HPSE2: variants seen among roughly 807,000 people sequenced by gnomAD.
HPSE2 encodes the protein heparanase 2 (inactive), also known as inactive heparanase-2.
HPSE2 carries 38 observed loss-of-function variants against 60.5 expected under a neutral mutation model. That is an observed-to-expected ratio of 0.63 (90% CI 0.48 to 0.82). The LOEUF is 0.82. Ranked by LOEUF, HPSE2 falls within the 40% of genes least tolerant of loss-of-function variation. The probability of loss-of-function intolerance (pLI) is 0.00; values close to 1 mark genes in which losing one functional copy is unlikely to be tolerated. For synonymous variants in HPSE2, 295 were observed against 293.2 expected (o/e 1.01, Z -0.06); for missense variants, 713 against 740.4 (o/e 0.96, Z 0.43).
chr10:99,248,864 A>G, the HPSE2 span, among the ~76,000 whole-genome samples: 4 of 152,194 alleles, frequency 2.6e-5, no homozygotes, highest in Non-Finnish European at 5.9e-5. Context: ...AGAGCCCCAG[A>G]TAGGTCTCAG....
chr10:99,116,682 A>G (rs1471658719), intron 3 of HPSE2, among the ~76,000 whole-genome samples: 4 of 152,184 alleles, frequency 2.6e-5, no homozygotes. Context: ...TGCAGATGAA[A>G]AAGTGCCCTG....
intron 2 of HPSE2, among the ~76,000 whole-genome samples, chr10:99,186,542 CAAAAAAAAAAAA>C (rs60186369): frequency 1.0e-4 from 6 of 59,482 alleles, no homozygotes; most frequent in African/African-American, 4.9e-4. Context: ...GACTCCATCT[CAAAAAAAAAAAA>C]AAAAAAAAAA....
intron 3 of HPSE2, among the ~76,000 whole-genome samples, chr10:99,112,861 T>G (rs1037328082): frequency 9.2e-5 from 14 of 152,160 alleles, no homozygotes; most frequent in African/African-American, 3.4e-4. Context: ...CCAGATCTGC[T>G]CTGGGAAAGT....
chr10:99,285,500 GAAAGGAA>G, the HPSE2 span, among the ~76,000 whole-genome samples: 6 of 105,538 alleles, frequency 5.7e-5, no homozygotes, highest in Non-Finnish European at 8.9e-5. Context: ...GGGAGGGAGG[GAAAGGAA>G]AGGGAAGGAG....
rs557991620 is a variant in HPSE2 at position 98,715,735 on chromosome 10, C to T, written c.956+5922G>A. ...TACCTTAATTCAAAATACTTTATTG[C>T]TAAAAATGATAACGATCATCTGAGC... On this transcript the variant is annotated intron_variant, in intron 5 of 11. Transcript: ENST00000370552. 4.6e-5 allele frequency among the ~76,000 whole-genome samples: 7 copies of T among 152,126 alleles called. No individual in the cohort carries two copies. The East Asian group carries it at 9.6e-4, about 21-fold the overall frequency.
intron 4 of HPSE2, among the ~76,000 whole-genome samples, chr10:98,740,472 C>T (rs970328422): frequency 2.0e-5 from 3 of 152,014 alleles, no homozygotes; most frequent in African/African-American, 4.8e-5. Flanking sequence ...CATGCCTGGC[C>T]GAAGAAAGTC....
At chr10:98,937,619 G>T (rs1387252795) in intron 3 of HPSE2, among the ~76,000 whole-genome samples, 4 of 143,572 alleles carry the variant, frequency 2.8e-5, no homozygotes, top group East Asian at 4.0e-4. Flanking sequence ...ACAGCTCAAG[G>T]AGGCCTGCCT....
intron 3 of HPSE2, among the ~76,000 whole-genome samples, chr10:99,065,835 G>A (rs565723300): frequency 6.6e-6 from 1 of 152,272 alleles, no homozygotes; most frequent in East Asian, 1.9e-4. Context: ...ACCCTGATAA[G>A]CAATGATGTT....
intron 4 of HPSE2, among the ~76,000 whole-genome samples, chr10:98,740,293 A>C (rs1307025371): frequency 6.6e-6 from 1 of 151,598 alleles, no homozygotes; most frequent in East Asian, 1.9e-4. Flanking sequence ...CTCCAGCCTC[A>C]GTCTCCCAAG....
At chr10:99,127,433 G>A (rs893254510) in intron 3 of HPSE2, among the ~76,000 whole-genome samples, 18 of 151,962 alleles carry the variant, frequency 1.2e-4, no homozygotes, top group African/African-American at 2.4e-4. Flanking sequence ...TAACCCAATC[G>A]GACAAAGACT....
chr10:99,082,091 A>C (rs900896096), intron 3 of HPSE2, among the ~76,000 whole-genome samples: 4 of 152,182 alleles, frequency 2.6e-5, no homozygotes, highest in Admixed American at 1.3e-4. Flanking sequence ...CAATGACATA[A>C]TCTGTCATTT....
chr10:99,180,904 A>C (rs981005727), intron 2 of HPSE2, among the ~76,000 whole-genome samples: 1 of 148,834 alleles, frequency 6.7e-6, no homozygotes, highest in Admixed American at 6.6e-5. Flanking sequence ...AAAAAAAAAA[A>C]AAAAAAAAAA....
intron 7 of HPSE2, among the ~76,000 whole-genome samples, chr10:98,624,827 G>C (rs1253294339): frequency 6.6e-6 from 1 of 152,206 alleles, no homozygotes; most frequent in African/African-American, 2.4e-5. Context: ...GGAAGATCCT[G>C]AGAGTTAGTG....
chr10:99,084,947 C>T (rs187681171), intron 3 of HPSE2, among the ~76,000 whole-genome samples: 35 of 152,338 alleles, frequency 2.3e-4, no homozygotes, highest in African/African-American at 8.4e-4. Context: ...TTACATACGT[C>T]ACACCTCCAG....
At chr10:98,875,374 T>C (rs1009601998) in intron 3 of HPSE2, among the ~76,000 whole-genome samples, 4 of 152,034 alleles carry the variant, frequency 2.6e-5, no homozygotes. Flanking sequence ...AAATACAAAC[T>C]ACCATCAGAG....
intron 3 of HPSE2, among the ~76,000 whole-genome samples, chr10:99,092,443 C>G (rs1397688929): frequency 6.6e-6 from 1 of 152,160 alleles, no homozygotes; most frequent in Non-Finnish European, 1.5e-5. Flanking sequence ...AAAGCAAGCA[C>G]CTTCACTGAC....
chr10:98,877,118 A>G (rs1237561091), intron 3 of HPSE2, among the ~76,000 whole-genome samples: 2 of 151,930 alleles, frequency 1.3e-5, no homozygotes, highest in Non-Finnish European at 2.9e-5. Context: ...TTTTTAGAAA[A>G]TGAATGAGCG....
At chr10:98,477,089 C>T (rs1182749900) in intron 11 of HPSE2, among the ~76,000 whole-genome samples, 3 of 152,114 alleles carry the variant, frequency 2.0e-5, no homozygotes, top group Non-Finnish European at 2.9e-5. Context: ...GGACTTCTAG[C>T]TTTGTCACTT....
intron 2 of HPSE2, among the ~76,000 whole-genome samples, chr10:99,164,861 G>C (rs529976703): frequency 2.1e-4 from 32 of 150,316 alleles, no homozygotes; most frequent in Admixed American, 9.9e-4. Flanking sequence ...CGACGTGGGC[G>C]GATCACGAGG....
Sources: gnomAD v4.1 joint callset for allele counts (sites outside exome capture counted in the v4.1 genomes callset) on GRCh38, gnomAD v4.1.1 for gene constraint, MANE v1.5 for transcripts, NCBI Gene and HGNC (gene_info 2026-07-23, HGNC 2026-07-21) for gene names.